ST6GAL1: variants seen among roughly 807,000 people sequenced by gnomAD.
The protein encoded by ST6GAL1 is beta-galactoside alpha-2,6-sialyltransferase 1.
A neutral mutation model predicts 38.0 loss-of-function variants in ST6GAL1; 20 were observed. The ratio of observed to expected loss-of-function variants is 0.53; its 90% CI spans 0.37 to 0.77. The LOEUF (loss-of-function observed/expected upper bound fraction) is 0.77. Ranked by LOEUF, ST6GAL1 falls within the 30% of genes least tolerant of loss-of-function variation. ST6GAL1 has a pLI of 0.00. For synonymous variants in ST6GAL1, 196 were observed against 188.2 expected, an observed-to-expected ratio of 1.04 and a Z score of -0.34; for missense variants, 432 against 496.4, an observed-to-expected ratio of 0.87 and a Z score of 1.23.
At position 186,958,885 on chromosome 3, in the gene ST6GAL1, G is replaced by A. The variant is rs977628876; in HGVS notation, c.-324-4900G>A. On this transcript the variant is annotated intron_variant, in intron 1 of 7. Transcript: ENST00000169298. The stretch of plus-strand genomic sequence containing the variant: ...GGAGAATCGCTTGAACGTGGGAGGC[G>A]GAGGTTGCGGTGAGCAGAGATTGTG... Among the ~76,000 whole-genome samples, 3 of 151,366 alleles carry A rather than the reference G, an allele frequency of 2.0e-5. No individual in the cohort carries two copies. In the East Asian group the frequency reaches 5.8e-4, roughly 29 times the overall value.
In ST6GAL1 at chr3:186,952,449, T is replaced by C. The variant is rs1182816169; in HGVS notation, c.-324-11336T>C. On this transcript the variant is annotated intron_variant, in intron 1 of 7. Transcript: ENST00000169298. The surrounding 1 kb of genome is among the most constrained non-coding windows in gnomAD (Gnocchi z 4.1). Reference sequence around the variant, plus strand: ...CACTGTCTTTGCTTTTCCTCTTCTCTCACTAGGTTCTCCTTCTCAGTTCCT... The same window carrying C: ...CACTGTCTTTGCTTTTCCTCTTCTCCCACTAGGTTCTCCTTCTCAGTTCCT... Among the ~76,000 whole-genome samples the C allele has an allele frequency of 6.6e-6, 1 of 152,188 alleles. No individual in the cohort carries two copies. The highest frequency in any genetic ancestry group is 1.5e-5 in the Non-Finnish European group (1 of 68,042).
At chr3:187,051,384 G>T (rs1718509237) in intron 5 of ST6GAL1, 38 bp downstream of exon 5, 1 of 1,586,858 alleles carries the variant, frequency 6.3e-7, no homozygotes, top group South Asian at 1.1e-5. Context: ...GTAAGAGAAG[G>T]ACCACAGTGT....
chr3:186,935,381 A>G (rs1015479917), intron 1 of ST6GAL1, among the ~76,000 whole-genome samples: 2 of 152,080 alleles, frequency 1.3e-5, no homozygotes, highest in Admixed American at 1.3e-4. Context: ...GTATATATAT[A>G]TATGTACCAC....
intron 5 of ST6GAL1, among the ~76,000 whole-genome samples, chr3:187,054,916 C>T (rs528797549): frequency 3.3e-5 from 5 of 152,204 alleles, no homozygotes; most frequent in Admixed American, 1.3e-4. Flanking sequence ...GCTGTGAATC[C>T]GTCTGGTCCT....
intron 1 of ST6GAL1, among the ~76,000 whole-genome samples, chr3:186,938,534 C>CTT (rs934418715): frequency 6.6e-5 from 10 of 152,182 alleles, no homozygotes; most frequent in African/African-American, 2.4e-4. Flanking sequence ...AAGCCGCACA[C>CTT]TTTTGCTCCT....
At chr3:187,072,401 G>T in intron 5 of ST6GAL1, 1 of 226,372 alleles carries the variant, frequency 4.4e-6, no homozygotes, top group Non-Finnish European at 8.9e-6. Context: ...TGGACTTCGT[G>T]AGAGAGCCTA....
chr3:187,039,203 C>T lies in ST6GAL1; in HGVS notation c.-51+330C>T, dbSNP rs568123631. On this transcript the variant is annotated intron_variant, in intron 3 of 7. Transcript: ENST00000169298. ...GACGGGTGGGTCGGGACAGGATTTCCTTGCTTTGAGCATTGATTTCTGCCG... is the reference window on the plus strand; with the variant it reads ...GACGGGTGGGTCGGGACAGGATTTCTTTGCTTTGAGCATTGATTTCTGCCG... Among the ~76,000 whole-genome samples, 5 of 152,286 alleles carry T rather than the reference C, an allele frequency of 3.3e-5. No individual in the cohort carries two copies. The South Asian group carries it at 1.0e-3, about 32-fold the overall frequency.
chr3:186,958,875 CG>C (rs769549969), intron 1 of ST6GAL1, among the ~76,000 whole-genome samples: 3 of 150,078 alleles, frequency 2.0e-5, no homozygotes, highest in Admixed American at 6.7e-5. Flanking sequence ...ATCGCTTGAA[CG>C]TGGGAGGCGG....
chr3:186,935,791 C>T (rs1308430115), intron 1 of ST6GAL1, among the ~76,000 whole-genome samples: 1 of 152,074 alleles, frequency 6.6e-6, no homozygotes, highest in Non-Finnish European at 1.5e-5. Flanking sequence ...GAAGACCTCA[C>T]CTGTCACAAA....
intron 5 of ST6GAL1, among the ~76,000 whole-genome samples, chr3:187,067,323 G>A (rs867480417): frequency 2.0e-5 from 3 of 150,272 alleles, no homozygotes; most frequent in Admixed American, 6.6e-5. Flanking sequence ...CTGACCTCAA[G>A]TGATCTGCCC....
intron 2 of ST6GAL1, among the ~76,000 whole-genome samples, chr3:186,990,984 A>G (rs1176012862): frequency 6.6e-6 from 1 of 151,820 alleles, no homozygotes; most frequent in Non-Finnish European, 1.5e-5. Context: ...CGGGTTTCAC[A>G]GTATTGGCGT....
Position 187,072,914 on chromosome 3 carries a change from G to A in ST6GAL1, c.771G>A (p.Trp257Ter). 6.2e-7 allele frequency: 1 copy of A among 1,613,942 alleles called. No individual in the cohort carries two copies. Among genetic ancestry groups the A allele is most frequent in the African/African-American group, 1.3e-5 (1 of 75,018 alleles). Residue 257 changes from tryptophan (W) to a stop codon, truncating the protein, a stop_gained, in exon 6 of 8, where the codon TGG becomes TGA. Coordinates refer to ENST00000169298, the MANE Select transcript of ST6GAL1 (RefSeq NM_173216.2). LOFTEE classifies it high-confidence loss of function. ...ACAATGAAGGAATCCTAATTGTATG[G>A]GACCCATCTGTATACCACTCAGATA... ...SLYNEGILIV[W>*]DPSVYHSDIP...
chr3:187,065,005 CTTTT>C (rs58334319), intron 5 of ST6GAL1, among the ~76,000 whole-genome samples: 4 of 139,280 alleles, frequency 2.9e-5, no homozygotes, highest in Non-Finnish European at 4.7e-5. Context: ...TCTTCTTTTT[CTTTT>C]TTTTTTTTTT....
intron 2 of ST6GAL1, among the ~76,000 whole-genome samples, chr3:187,027,962 G>A (rs1717603985): frequency 6.6e-6 from 1 of 152,194 alleles, no homozygotes; most frequent in Non-Finnish European, 1.5e-5. Context: ...ATGGACTGCT[G>A]ATGAGCTGAA....
At chr3:187,047,622 C>G (rs909121575) in intron 4 of ST6GAL1, among the ~76,000 whole-genome samples, 1 of 151,998 alleles carries the variant, frequency 6.6e-6, no homozygotes, top group Non-Finnish European at 1.5e-5. Flanking sequence ...TTTTCTGCAG[C>G]CTTTCCCCCT....
Position 186,996,182 on chromosome 3 carries a change from G to A in ST6GAL1, c.-183+32256G>A, listed in dbSNP as rs1216728969. ...GTAATATTTGAAGGACTAGTCAGCTGTAGAAGCCTTGACTTCAGATCTTCA... is the reference window on the plus strand; with the variant it reads ...GTAATATTTGAAGGACTAGTCAGCTATAGAAGCCTTGACTTCAGATCTTCA... On this transcript the variant is annotated intron_variant, in intron 2 of 7. Transcript: ENST00000169298. Among the ~76,000 whole-genome samples, 3 of 152,218 alleles carry A rather than the reference G, an allele frequency of 2.0e-5. No homozygotes were observed. In the East Asian group the frequency reaches 5.8e-4, roughly 29 times the overall value.
In ST6GAL1 at chr3:187,042,823, G is replaced by A; in HGVS notation, c.120G>A (p.Leu40=). 1.2e-6 allele frequency: 2 copies of A among 1,614,142 alleles called. No homozygotes were observed. The highest frequency in any genetic ancestry group is 1.7e-6 in the Non-Finnish European group (2 of 1,180,014). ...GGAGTTACTATGATTCCTTTAAATT[G>A]CAAACCAAGGAATTCCAGGTGTTAA... ...KKGSYYDSFK[L]QTKEFQVLKS... The change falls in exon 4 of 8, where the codon TTG becomes TTA. Residue 40 remains leucine, a synonymous_variant. Coordinates refer to ENST00000169298, the MANE Select transcript of ST6GAL1 (RefSeq NM_173216.2).
chr3:186,956,863 A>G (rs1251161106), intron 1 of ST6GAL1, among the ~76,000 whole-genome samples: 1 of 152,230 alleles, frequency 6.6e-6, no homozygotes, highest in Non-Finnish European at 1.5e-5. Flanking sequence ...AGTTTGAAAC[A>G]TGAAAGGCAG....
intron 2 of ST6GAL1, among the ~76,000 whole-genome samples, chr3:187,007,887 T>C (rs762487469): frequency 1.3e-5 from 2 of 152,096 alleles, no homozygotes; most frequent in Non-Finnish European, 2.9e-5. Flanking sequence ...AAAGATGATA[T>C]GGGCCCAGTA....
Sources: allele counts gnomAD v4.1 joint callset (sites outside exome capture counted in the v4.1 genomes callset), GRCh38; gene constraint gnomAD v4.1.1; non-coding constraint Gnocchi (gnomAD v3.1); transcripts MANE v1.5; gene names NCBI Gene and HGNC (gene_info 2026-07-23, HGNC 2026-07-21).